The following APP variants were observed in gnomAD, a reference collection of about 807,000 sequenced individuals.
APP encodes the protein amyloid-beta precursor protein.
Under a neutral mutation model 101.4 loss-of-function variants are expected in APP, and 31 were observed. That is an observed-to-expected ratio of 0.31 (90% CI 0.23 to 0.41). APP has a LOEUF of 0.41. Among genes scored for constraint, APP ranks in the 10% least tolerant of loss-of-function variants. The pLI is 1.00. For synonymous variants in APP, 366 were observed against 364.4 expected (o/e 1.00, Z -0.05); for missense variants, 839 against 1,003.7 (o/e 0.84, Z 2.22).
chr21:26,085,083 T>TC (rs1421404516), intron 3 of APP, among the ~76,000 whole-genome samples: 3 of 152,246 alleles, frequency 2.0e-5, no homozygotes, highest in African/African-American at 7.2e-5. Flanking sequence ...TCACCTGTAA[T>TC]CCCACTGTTG....
intron 15 of APP, 88 bp downstream of exon 15, chr21:25,904,936 A>G (rs1037461053): frequency 8.5e-6 from 10 of 1,170,486 alleles, no homozygotes; most frequent in African/African-American, 3.0e-5. Flanking sequence ...AGTACAATTG[A>G]GAGAGGCTTA....
At chr21:25,954,345 GT>G (rs1204468254) in intron 13 of APP, among the ~76,000 whole-genome samples, 2 of 152,190 alleles carry the variant, frequency 1.3e-5, no homozygotes, top group African/African-American at 4.8e-5. Flanking sequence ...TCAATAACAA[GT>G]GTCCAATTAT....
At chr21:26,168,242 T>C (rs2063660239) in intron 1 of APP, among the ~76,000 whole-genome samples, 1 of 152,208 alleles carries the variant, frequency 6.6e-6, no homozygotes, top group African/African-American at 2.4e-5. Context: ...CCCATTATCA[T>C]TGCCCTTATT....
At chr21:25,977,483 A>C (rs142748069) in intron 9 of APP, among the ~76,000 whole-genome samples, 2 of 152,364 alleles carry the variant, frequency 1.3e-5, no homozygotes, top group African/African-American at 4.8e-5. Flanking sequence ...ACATACTTCA[A>C]GATGGGAAAG....
intron 1 of APP, among the ~76,000 whole-genome samples, chr21:26,154,809 T>C (rs1036333191): frequency 3.3e-5 from 5 of 152,230 alleles, no homozygotes; most frequent in Admixed American, 1.3e-4. Context: ...GGAGGTCTTA[T>C]AGATTCTACC....
chr21:25,976,022 T>G lies in APP; in HGVS notation c.1231A>C (p.Arg411=). The G allele has an allele frequency of 6.2e-7, 1 of 1,613,132 alleles. No individual in the cohort carries two copies. The highest frequency in any genetic ancestry group is 1.1e-5 in the South Asian group (1 of 91,068). Reference sequence around the variant, plus strand: ...TGACGTTCTGCCTCTTCCCATTCTCTCATGACCTATAAATTAAGGAAACAT... The same window carrying G: ...TGACGTTCTGCCTCTTCCCATTCTCGCATGACCTATAAATTAAGGAAACAT... The part of the protein sequence containing the change: ...KHRERMSQVM[R]EWEEAERQAK... Residue 411 remains arginine (R), a synonymous_variant, in exon 10 of 18, where the codon AGA becomes CGA. Transcript: ENST00000346798.
At chr21:26,030,416 T>C (rs537766403) in intron 5 of APP, among the ~76,000 whole-genome samples, 1 of 152,206 alleles carries the variant, frequency 6.6e-6, no homozygotes, top group East Asian at 1.9e-4. Context: ...CTGGACTCTG[T>C]AGAAAAATGT....
intron 1 of APP, among the ~76,000 whole-genome samples, chr21:26,148,028 C>G (rs2063188499): frequency 1.3e-5 from 2 of 152,118 alleles, no homozygotes; most frequent in African/African-American, 2.4e-5. Flanking sequence ...AAAATGTTAA[C>G]AAAAATGCAT....
intron 1 of APP, among the ~76,000 whole-genome samples, chr21:26,164,919 A>C (rs1047556772): frequency 5.3e-5 from 8 of 151,232 alleles, no homozygotes; most frequent in Non-Finnish European, 1.0e-4. Context: ...AAAACTAGGT[A>C]TTTCCCATTT....
chr21:25,971,040 T>A (rs1024936162), intron 11 of APP, among the ~76,000 whole-genome samples: 2 of 152,082 alleles, frequency 1.3e-5, no homozygotes, highest in African/African-American at 4.8e-5. Flanking sequence ...TATATTCATA[T>A]ACAAACAGCG....
At chr21:26,053,411 G>T in intron 3 of APP, 63 bp from the exon 4 acceptor site, 3 of 1,197,796 alleles carry the variant, frequency 2.5e-6, no homozygotes, top group Non-Finnish European at 2.5e-6. Context: ...TACCGCAGAA[G>T]ACATCAAGGA....
intron 5 of APP, among the ~76,000 whole-genome samples, chr21:26,049,248 A>C (rs2045737506): frequency 6.6e-6 from 1 of 152,190 alleles, no homozygotes; most frequent in South Asian, 2.1e-4. Context: ...AGCAGAACAT[A>C]ATCATAAAAG....
chr21:25,926,741 T>C (rs1020086482), intron 13 of APP, among the ~76,000 whole-genome samples: 1 of 152,096 alleles, frequency 6.6e-6, no homozygotes, highest in African/African-American at 2.4e-5. Flanking sequence ...GAAACTAATA[T>C]TAAAGAAGCA....
intron 2 of APP, among the ~76,000 whole-genome samples, chr21:26,101,997 A>C (rs1339070261): frequency 6.6e-6 from 1 of 152,202 alleles, no homozygotes; most frequent in African/African-American, 2.4e-5. Flanking sequence ...TTTGGGAAGA[A>C]ATAGATTCTT....
At chr21:26,019,632 A>C (rs2044247584) in intron 6 of APP, among the ~76,000 whole-genome samples, 1 of 152,104 alleles carries the variant, frequency 6.6e-6, no homozygotes, top group Non-Finnish European at 1.5e-5. Flanking sequence ...GCTTGTACCA[A>C]GCAGGTGCTC....
chr21:25,997,281 A>C, intron 8 of APP, 79 bp downstream of exon 8: 1 of 1,313,032 alleles, frequency 7.6e-7, no homozygotes, highest in Non-Finnish European at 1.1e-6. Flanking sequence ...CATGCAAAGA[A>C]GGTGATGATG....
chr21:25,938,165 C>G (rs1012622115), intron 13 of APP, among the ~76,000 whole-genome samples: 1 of 152,152 alleles, frequency 6.6e-6, no homozygotes, highest in Admixed American at 6.5e-5. Context: ...GAAGTCTTAT[C>G]TTGGATAAAT....
chr21:26,112,458 C>A (rs769779816), intron 1 of APP, among the ~76,000 whole-genome samples: 3 of 152,168 alleles, frequency 2.0e-5, no homozygotes, highest in Non-Finnish European at 4.4e-5. Flanking sequence ...GTTCTGACAA[C>A]AAAATTACAC....
intron 3 of APP, among the ~76,000 whole-genome samples, chr21:26,057,616 A>C (rs1447052747): frequency 1.3e-5 from 2 of 152,152 alleles, no homozygotes; most frequent in East Asian, 3.9e-4. Context: ...TGCAGGCCTC[A>C]ATCTGCTAGC....
Sources: allele counts gnomAD v4.1 joint callset (sites outside exome capture counted in the v4.1 genomes callset), GRCh38; gene constraint gnomAD v4.1.1; transcripts MANE v1.5; gene names NCBI Gene and HGNC (gene_info 2026-07-23, HGNC 2026-07-21).